The following FAM149B1 variants were observed in gnomAD, a reference collection of about 807,000 sequenced individuals.
FAM149B1 encodes the protein family with sequence similarity 149 member B1.
A neutral mutation model predicts 75.3 loss-of-function variants in FAM149B1; 56 were observed. That is an observed-to-expected ratio of 0.74 (90% confidence interval 0.60 to 0.93). The LOEUF is 0.93. FAM149B1 is among the 40% of genes least tolerant of loss of function. The probability of loss-of-function intolerance (pLI) is 0.00; values close to 1 mark genes in which losing one functional copy is unlikely to be tolerated. For missense variants in FAM149B1, 639 were observed against 708.4 expected (o/e 0.90, Z 1.11); for synonymous variants, 259 against 256.1 (o/e 1.01, Z -0.11).
chr10:73,170,054 ATAT>A, intron 1 of FAM149B1, among the ~76,000 whole-genome samples: 1 of 151,936 alleles, frequency 6.6e-6, no homozygotes, highest in South Asian at 2.1e-4. Context: ...AATTTATTAA[ATAT>A]TAATTATGCA....
chr10:73,176,159 A>T (rs559469278), intron 2 of FAM149B1, among the ~76,000 whole-genome samples: 1 of 152,082 alleles, frequency 6.6e-6, no homozygotes, highest in African/African-American at 2.4e-5. Context: ...ATCAGGCATT[A>T]GATTCCCATA....
chr10:73,180,982 G>A (rs897552111), intron 3 of FAM149B1, among the ~76,000 whole-genome samples: 1 of 149,674 alleles, frequency 6.7e-6, no homozygotes, highest in African/African-American at 2.5e-5. Context: ...TTTATTTTGG[G>A]TTTGGTTTGC....
chr10:73,172,976 A>C (rs1843780796), intron 1 of FAM149B1, among the ~76,000 whole-genome samples: 1 of 152,046 alleles, frequency 6.6e-6, no homozygotes, highest in Admixed American at 6.6e-5. Flanking sequence ...ATAATTAGCC[A>C]AGTGTGGTGG....
chr10:73,233,875 C>T (rs2043764213), intron 10 of FAM149B1, among the ~76,000 whole-genome samples: 1 of 152,172 alleles, frequency 6.6e-6, no homozygotes, highest in East Asian at 1.9e-4. Context: ...TTGGGATCTG[C>T]TTATTCCATT....
intron 2 of FAM149B1, among the ~76,000 whole-genome samples, chr10:73,174,998 A>G (rs1193571348): frequency 2.0e-5 from 3 of 152,220 alleles, no homozygotes; most frequent in Admixed American, 2.0e-4. Flanking sequence ...GTAGTATTAT[A>G]AAGTAGTTAA....
At chr10:73,173,798 C>G (rs1843823175) in intron 1 of FAM149B1, among the ~76,000 whole-genome samples, 1 of 152,096 alleles carries the variant, frequency 6.6e-6, no homozygotes. Flanking sequence ...CATGGTTCAT[C>G]TGTTGAGTTT....
At chr10:73,211,814 C>T (rs905417993) in intron 7 of FAM149B1, among the ~76,000 whole-genome samples, 51 of 151,914 alleles carry the variant, frequency 3.4e-4, no homozygotes, top group African/African-American at 1.2e-3. Flanking sequence ...GGTCCAAGTG[C>T]GGGTTTCTTA....
At chr10:73,184,920 CAG>C (rs2042483778) in intron 3 of FAM149B1, among the ~76,000 whole-genome samples, 1 of 151,968 alleles carries the variant, frequency 6.6e-6, no homozygotes, top group Admixed American at 6.6e-5. Context: ...ATTAATAAAA[CAG>C]AAAAACAATA....
chr10:73,168,486 G>A, intron 1 of FAM149B1, 100 bp downstream of exon 1: 2 of 1,400,532 alleles, frequency 1.4e-6, no homozygotes, highest in Non-Finnish European at 1.9e-6. Context: ...CAGGGCTGGG[G>A]AGAGATTTTT....
chr10:73,234,853 G>A lies in FAM149B1; in HGVS notation c.1389G>A (p.Pro463=), dbSNP rs374684689. The change falls in exon 11 of 14, where the codon CCG becomes CCA. Residue 463 remains proline (P), a synonymous_variant. Coordinates refer to ENST00000242505, the MANE Select transcript of FAM149B1 (RefSeq NM_173348.2). ...VAPDSLSSPS[P]TPLSRNNLLP... The stretch of plus-strand genomic sequence containing the variant: ...CCGACTCGCTCTCCTCTCCCTCACC[G>A]ACGCCCCTGAGTCGAAATAATCTGC... 9.0e-5 allele frequency: 139 copies of A among 1,551,524 alleles called. No homozygotes were observed. Among genetic ancestry groups the A allele is most frequent in the South Asian group, 4.8e-4 (40 of 84,070 alleles).
At position 73,240,508 on chromosome 10, in the gene FAM149B1, T is replaced by A. The variant is rs559130332; in HGVS notation, c.1676-438T>A. On this transcript the variant is annotated intron_variant, in intron 13 of 13. Coordinates refer to ENST00000242505, the MANE Select transcript of FAM149B1 (RefSeq NM_173348.2). ...CGGGCGGATCACGAGGTCAGCATAT[T>A]GAGACCATCCTGGCTAACATGGTGA... Among the ~76,000 whole-genome samples the A allele has an allele frequency of 5.9e-5, 9 of 152,188 alleles. No individual in the cohort carries two copies. The East Asian group carries it at 1.5e-3, about 26-fold the overall frequency.
chr10:73,180,794 A>G (rs2042377284), intron 3 of FAM149B1, among the ~76,000 whole-genome samples: 1 of 152,134 alleles, frequency 6.6e-6, no homozygotes, highest in African/African-American at 2.4e-5. Context: ...TAAAATGTAC[A>G]ATTAAGTTAT....
intron 7 of FAM149B1, among the ~76,000 whole-genome samples, chr10:73,219,380 C>CT (rs34127440): frequency 6.6e-6 from 1 of 152,082 alleles, no homozygotes; most frequent in African/African-American, 2.4e-5. Context: ...TTCCAGCTGC[C>CT]TTTTTTTGTA....
Position 73,243,965 on chromosome 10 carries a change from A to G in FAM149B1, c.*2946A>G, listed in dbSNP as rs2043980810. On this transcript the variant is annotated 3_prime_UTR_variant, in exon 14 of 14. Coordinates refer to ENST00000242505, the MANE Select transcript of FAM149B1 (RefSeq NM_173348.2). ...AACTCACATGAGACTCAGGGCCACCAGGAAATGCTTAAAATACATACTCTT... is the reference window on the plus strand; with the variant it reads ...AACTCACATGAGACTCAGGGCCACCGGGAAATGCTTAAAATACATACTCTT... 1 of 1,557,802 alleles carries G rather than the reference A, an allele frequency of 6.4e-7. No homozygotes were observed. Among genetic ancestry groups the G allele is most frequent in the African/African-American group, 1.4e-5 (1 of 73,254 alleles).
intron 3 of FAM149B1, among the ~76,000 whole-genome samples, chr10:73,181,859 T>C (rs1429013648): frequency 6.6e-6 from 1 of 152,250 alleles, no homozygotes; most frequent in Non-Finnish European, 1.5e-5. Context: ...CCAACTCTTA[T>C]TGTATTGGGA....
At position 73,228,184 on chromosome 10, in the gene FAM149B1, G is replaced by A. The variant is rs780876261; in HGVS notation, c.1023G>A (p.Pro341=). The change falls in exon 8 of 14, where the codon CCG becomes CCA. Residue 341 remains proline, a splice_region_variant and synonymous_variant. Coordinates refer to ENST00000242505, the MANE Select transcript of FAM149B1 (RefSeq NM_173348.2). ...AGGTGCTGTACATTACCTCAAATCC[G>A]GTAAGCCCCAGAGGGATCAGTTGGA... ...QSKVLYITSN[P]MSLCQASRHQ... is the part of the protein sequence containing the mutation. The A allele has an allele frequency of 2.8e-5, 43 of 1,551,536 alleles. No individual in the cohort carries two copies. The South Asian group carries it at 4.3e-4, about 15-fold the overall frequency.
rs1333099840 is a variant in FAM149B1, at chr10:73,243,624, G to C, written c.*2605G>C. ...AAGTGGAATAACTACTAATGGGTAT[G>C]GAGTTTTTTTGGAATGGTGAAAATG... On this transcript the variant is annotated 3_prime_UTR_variant, in exon 14 of 14. Transcript: ENST00000242505. The C allele has an allele frequency of 6.9e-7, 1 of 1,446,980 alleles. No homozygotes were observed. The highest frequency in any genetic ancestry group is 9.4e-7 in the Non-Finnish European group (1 of 1,060,932). The allele number at this position is 1,446,980 out of a possible 1,614,324, so 89.6% of individuals were successfully genotyped here. A position where few individuals can be genotyped will look rare whatever the true frequency, so the allele number is the denominator to read the frequency against.
intron 5 of FAM149B1, among the ~76,000 whole-genome samples, chr10:73,197,463 C>T (rs1463481117): frequency 1.3e-5 from 2 of 152,092 alleles, no homozygotes; most frequent in East Asian, 3.9e-4. Context: ...GTGAGAAAAA[C>T]AAACACACAA....
chr10:73,218,704 CTGAGA>C (rs995287920), intron 7 of FAM149B1, among the ~76,000 whole-genome samples: 2 of 152,080 alleles, frequency 1.3e-5, no homozygotes, highest in African/African-American at 2.4e-5. Flanking sequence ...TTTGATCTTT[CTGAGA>C]TATTAGTAAA....
Sources: gnomAD v4.1 joint callset for allele counts (sites outside exome capture counted in the v4.1 genomes callset) on GRCh38, gnomAD v4.1.1 for gene constraint, MANE v1.5 for transcripts, NCBI Gene and HGNC (gene_info 2026-07-23, HGNC 2026-07-21) for gene names.